Variants in GPLD1 observed in about 807,000 individuals in gnomAD.
GPLD1 encodes phosphatidylinositol-glycan-specific phospholipase D.
Under a neutral mutation model 112.6 loss-of-function variants are expected in GPLD1, and 84 were observed. That is an observed-to-expected ratio of 0.75 (90% CI 0.63 to 0.89). The LOEUF is 0.89. Ranked by LOEUF, GPLD1 falls within the 40% of genes least tolerant of loss-of-function variation. The pLI, the probability that GPLD1 is intolerant of heterozygous loss-of-function variation, is 0.00. For missense variants in GPLD1, 1,044 were observed against 1,051.5 expected, an observed-to-expected ratio of 0.99 and a Z score of 0.10; for synonymous variants, 386 against 403.8, an observed-to-expected ratio of 0.96 and a Z score of 0.53.
intron 6 of GPLD1, 44 bp from the exon 7 acceptor site, chr6:24,472,680 A>G: frequency 9.9e-7 from 1 of 1,009,062 alleles, no homozygotes; most frequent in Non-Finnish European, 1.6e-6. Flanking sequence ...ATTAGTGACA[A>G]ACATAGCATG....
chr6:24,465,970 G>A (rs903763959), intron 10 of GPLD1, among the ~76,000 whole-genome samples: 8 of 152,208 alleles, frequency 5.3e-5, no homozygotes, highest in African/African-American at 1.9e-4. Context: ...GTGGAGAGGT[G>A]TGTCACCACA....
At chr6:24,490,981 C>T (rs1764542337), upstream of GPLD1, among the ~76,000 whole-genome samples, 1 of 152,140 alleles carries the variant, frequency 6.6e-6, no homozygotes, top group African/African-American at 2.4e-5. Context: ...AAACTTAAAT[C>T]AAGTTTATGA....
chr6:24,444,463 C>A (rs1762844696), intron 20 of GPLD1, among the ~76,000 whole-genome samples: 1 of 150,860 alleles, frequency 6.6e-6, no homozygotes, highest in African/African-American at 2.4e-5. Flanking sequence ...AAGCATAATT[C>A]ACCTTTATAA....
intron 11 of GPLD1, among the ~76,000 whole-genome samples, chr6:24,460,796 G>A (rs2793436): frequency 0.42 from 63,047 of 149,224 alleles, 13,622 homozygotes; most frequent in Middle Eastern, 0.49. Flanking sequence ...CTGCAGTGCA[G>A]TGGCACGATC....
chr6:24,454,075 GCC>G lies in GPLD1; in HGVS notation c.1273_1274del (p.Gly425ProfsTer5). 2 of 1,613,444 alleles carry G rather than the reference GCC, an allele frequency of 1.2e-6. No individual in the cohort carries two copies. Among genetic ancestry groups the G allele is most frequent in the South Asian group, 2.2e-5 (2 of 91,058 alleles). ...RVYLIYGNDL[G>X]LPPVDLDLDK... ...CCAGGTCCAGGTCAACAGGTGGCAG[GCC>G]CAGGTCATTGCCGTAGATGAGGTAC... On this transcript the variant is annotated frameshift_variant, in exon 14 of 25. Coordinates refer to ENST00000230036, the MANE Select transcript of GPLD1 (RefSeq NM_001503.4). LOFTEE classifies it high-confidence loss of function.
intron 10 of GPLD1, among the ~76,000 whole-genome samples, chr6:24,464,541 A>T (rs558358806): frequency 1.3e-5 from 2 of 152,372 alleles, no homozygotes; most frequent in East Asian, 3.9e-4. Flanking sequence ...TTGTCATCAA[A>T]GGGAATTTTG....
Position 24,426,606 on chromosome 6 carries a change from T to C in GPLD1, c.*2426A>G, listed in dbSNP as rs895026100. Among the ~76,000 whole-genome samples the C allele has an allele frequency of 5.9e-5, 9 of 152,224 alleles. No individual in the cohort carries two copies. The highest frequency in any genetic ancestry group is 2.2e-4 in the African/African-American group (9 of 41,456). The stretch of plus-strand genomic sequence containing the variant: ...ATGTTTAAACAGAGGCCTTATCATT[T>C]AGTGAAGCATAAAAACTGACACTAT... On this transcript the variant is annotated 3_prime_UTR_variant, in exon 25 of 25. Coordinates refer to ENST00000230036, the MANE Select transcript of GPLD1 (RefSeq NM_001503.4).
intron 2 of GPLD1, 110 bp from the exon 3 acceptor site, chr6:24,480,069 G>A: frequency 1.5e-6 from 1 of 662,662 alleles, no homozygotes; most frequent in Non-Finnish European, 2.7e-6. Context: ...GGTATAGATG[G>A]AATGAAAGGG....
At chr6:24,457,500 AG>A (rs1432409494) in intron 12 of GPLD1, among the ~76,000 whole-genome samples, 1 of 152,194 alleles carries the variant, frequency 6.6e-6, no homozygotes, top group Non-Finnish European at 1.5e-5. Context: ...AAAAAGAACA[AG>A]TCCTTTCAAT....
chr6:24,472,737 CATT>C, intron 6 of GPLD1, 101 bp from the exon 7 acceptor site: 2 of 710,436 alleles, frequency 2.8e-6, no homozygotes, highest in Non-Finnish European at 5.1e-6. Context: ...TAGTTTTTCA[CATT>C]ATTACATGTT....
rs780257270 is a variant in GPLD1 at position 24,473,601 on chromosome 6, A to G, written c.490+18T>C. 3.9e-6 allele frequency: 6 copies of G among 1,548,114 alleles called. No individual in the cohort carries two copies. In the South Asian group the frequency reaches 4.5e-5, roughly 12 times the overall value. Reference sequence around the variant, plus strand: ...AACTATACCACGAGAAAATTTAGCAAATGTAAATAAACAGTACCAAAATCA... The same window carrying G: ...AACTATACCACGAGAAAATTTAGCAGATGTAAATAAACAGTACCAAAATCA... On this transcript the variant is annotated intron_variant, in intron 6 of 24. Transcript: ENST00000230036.
intron 20 of GPLD1, among the ~76,000 whole-genome samples, chr6:24,438,935 C>T (rs938010509): frequency 2.7e-4 from 41 of 152,264 alleles, no homozygotes; most frequent in South Asian, 4.1e-4. Flanking sequence ...TACAGGCACG[C>T]GCCACCACGC....
At chr6:24,473,563 G>T in intron 6 of GPLD1, 56 bp downstream of exon 6, 1 of 1,046,094 alleles carries the variant, frequency 9.6e-7, no homozygotes, top group Non-Finnish European at 1.5e-6. Context: ...CAGTAGTGAT[G>T]TCATTATAAG....
chr6:24,490,738 C>T (rs977132809), upstream of GPLD1, among the ~76,000 whole-genome samples: 2 of 147,402 alleles, frequency 1.4e-5, no homozygotes, highest in African/African-American at 5.1e-5. Context: ...GGTGACAGAG[C>T]AAGACCCTGT....
intron 1 of GPLD1, chr6:24,494,865 C>T (rs1008318519): frequency 9.3e-7 from 1 of 1,073,100 alleles, no homozygotes. Flanking sequence ...GGCTCTGCAA[C>T]CTTCCGCCAG....
At chr6:24,454,402 TAA>T in intron 13 of GPLD1, among the ~76,000 whole-genome samples, 1 of 152,246 alleles carries the variant, frequency 6.6e-6, no homozygotes, top group Non-Finnish European at 1.5e-5. Flanking sequence ...AAAAATAAAA[TAA>T]AAATGGACAA....
rs6942189 is a variant in GPLD1 at position 24,429,021 on chromosome 6, C to T, written c.*11G>A. 293,153 of 1,577,028 alleles carry T rather than the reference C, an allele frequency of 0.19. 32,098 individuals carry two copies. Among genetic ancestry groups the T allele is most frequent in the East Asian group, 0.47 (20,764 of 44,460 alleles). On this transcript the variant is annotated 3_prime_UTR_variant, in exon 25 of 25. Coordinates refer to ENST00000230036, the MANE Select transcript of GPLD1 (RefSeq NM_001503.4). ...GAGAGGTGGGCAGAGTGGGGAAATG[C>T]AGTGAAATCTTCAATCTGAGCCAAG...
chr6:24,494,877 TCCCACGCTTTC>T, intron 1 of GPLD1: 1 of 1,126,922 alleles, frequency 8.9e-7, no homozygotes, highest in Non-Finnish European at 1.1e-6. Context: ...TTCCGCCAGC[TCCCACGCTTTC>T]CCCGCGCGTC....
intron 7 of GPLD1, among the ~76,000 whole-genome samples, chr6:24,468,980 G>C (rs1197908054): frequency 1.3e-5 from 2 of 152,078 alleles, no homozygotes; most frequent in African/African-American, 4.8e-5. Flanking sequence ...GATACTTCTT[G>C]GTTTACAGTA....
Sources: gnomAD v4.1 joint callset for allele counts (sites outside exome capture counted in the v4.1 genomes callset) on GRCh38, gnomAD v4.1.1 for gene constraint, MANE v1.5 for transcripts, NCBI Gene and HGNC (gene_info 2026-07-23, HGNC 2026-07-21) for gene names.